The following LPAR5 variants were observed in gnomAD, a reference collection of about 807,000 sequenced individuals.
LPAR5 encodes the protein G protein-coupled receptor 92.
For missense variants in LPAR5, 544 were observed against 521.8 expected (o/e 1.04, Z -0.41); for synonymous variants, 271 against 261.6 (o/e 1.04, Z -0.35).
chr12:6,633,021 C>T (rs983309225), intron 1 of LPAR5, among the ~76,000 whole-genome samples: 3 of 152,196 alleles, frequency 2.0e-5, no homozygotes, highest in African/African-American at 7.2e-5. Context: ...GCATCATCCT[C>T]GGCCCTGGCT....
At chr12:6,623,432 GCTA>G (rs1948910864) in intron 1 of LPAR5, among the ~76,000 whole-genome samples, 1 of 151,888 alleles carries the variant, frequency 6.6e-6, no homozygotes, top group South Asian at 2.1e-4. Context: ...TCCTCAGTAG[GCTA>G]AGGCATGAGA....
At position 6,630,269 on chromosome 12, in the gene LPAR5, C is replaced by T. The variant is rs117704385; in HGVS notation, c.-217+5638G>A. ...CACCCAAGTAGCTGGGATCATAGCT[C>T]GCACCACCACACCTGCCTAATTTTT... is the stretch of plus-strand genomic sequence containing the variant. On this transcript the variant is annotated intron_variant, in intron 1 of 1. Coordinates refer to ENST00000329858, the MANE Select transcript of LPAR5 (RefSeq NM_020400.6). Among the ~76,000 whole-genome samples, 905 of 150,492 alleles carry T rather than the reference C, an allele frequency of 6.0e-3. 11 individuals carry two copies. The highest frequency in any genetic ancestry group is 5.5e-3 in the Non-Finnish European group (375 of 67,600).
intron 1 of LPAR5, among the ~76,000 whole-genome samples, chr12:6,624,180 T>A (rs1032539655): frequency 3.3e-5 from 5 of 152,150 alleles, no homozygotes; most frequent in African/African-American, 1.2e-4. Context: ...CAGAGCCACA[T>A]GTGAATAAAT....
rs1234573952 is a variant in LPAR5 at position 6,619,128 on chromosome 12, A to G, written c.*1002T>C. On this transcript the variant is annotated 3_prime_UTR_variant, in exon 2 of 2. Transcript: ENST00000329858. ...TGTGTGTGGTGACATTATTGCTCCC[A>G]TGGCTAATGTAATGTGTGCATGTGT... The G allele has an allele frequency of 6.6e-6, 1 of 152,212 alleles. No individual in the cohort carries two copies. Among genetic ancestry groups the G allele is most frequent in the Non-Finnish European group, 1.5e-5 (1 of 68,042 alleles). The allele number at this position is 152,212 out of a possible 1,614,324, so 9.4% of individuals were successfully genotyped here.
intron 1 of LPAR5, among the ~76,000 whole-genome samples, chr12:6,632,523 A>C (rs1477160993): frequency 6.6e-6 from 1 of 152,098 alleles, no homozygotes; most frequent in Non-Finnish European, 1.5e-5. Context: ...TTCTGTGTTC[A>C]GGCAGCGCTG....
intron 1 of LPAR5, among the ~76,000 whole-genome samples, chr12:6,633,091 A>G (rs148842761): frequency 1.1e-4 from 17 of 152,332 alleles, no homozygotes; most frequent in African/African-American, 3.8e-4. Context: ...AAAAGGCAGA[A>G]AGCAAAGGTG....
intron 1 of LPAR5, among the ~76,000 whole-genome samples, chr12:6,630,434 T>A (rs1380800760): frequency 4.2e-4 from 2 of 4,762 alleles, no homozygotes; most frequent in Non-Finnish European, 1.3e-3. Context: ...CCAGCCCATC[T>A]TTTTTTTTTT....
rs1009034715 is a variant in LPAR5 at position 6,620,747 on chromosome 12, G to A, written c.502C>T (p.Arg168Trp). Reference protein sequence around the residue: ...RVHRPSRCRYRDLEVRLCFES... With the variant: ...RVHRPSRCRYWDLEVRLCFES... ...AAGCATAGGCGCACCTCGAGGTCCC[G>A]GTAGCGGCAACGCGAGGGCCTGTGC... Residue 168 changes from arginine to tryptophan, a missense_variant, in exon 2 of 2, where the codon CGG becomes TGG. Coordinates refer to ENST00000329858, the MANE Select transcript of LPAR5 (RefSeq NM_020400.6). This position sits in a 1 kb window ranked among gnomAD's most constrained non-coding sequence, Gnocchi z 6.8. 2.5e-6 allele frequency: 4 copies of A among 1,592,312 alleles called. No individual in the cohort carries two copies. The highest frequency in any genetic ancestry group is 3.4e-6 in the Non-Finnish European group (4 of 1,169,934).
chr12:6,627,044 C>A (rs1010310917), intron 1 of LPAR5, among the ~76,000 whole-genome samples: 1 of 152,202 alleles, frequency 6.6e-6, no homozygotes, highest in Non-Finnish European at 1.5e-5. Context: ...ATTTTAATTT[C>A]TATACATAAT....
chr12:6,621,573 T>C (rs1481431761), intron 1 of LPAR5, 109 bp from the exon 2 acceptor site: 3 of 257,188 alleles, frequency 1.2e-5, no homozygotes, highest in African/African-American at 2.2e-5. Context: ...AAGTCTGCCA[T>C]TGGGCTAGAA....
intron 1 of LPAR5, among the ~76,000 whole-genome samples, chr12:6,627,065 G>A (rs1314453130): frequency 6.6e-6 from 1 of 152,134 alleles, no homozygotes; most frequent in African/African-American, 2.4e-5. Context: ...ATCTAACATA[G>A]ATACATTATT....
In LPAR5 at chr12:6,621,064, C is replaced by A. The variant is rs1355540069; in HGVS notation, c.185G>T (p.Cys62Phe). The A allele has an allele frequency of 6.2e-7, 1 of 1,604,526 alleles. No homozygotes were observed. The highest frequency in any genetic ancestry group is 1.3e-5 in the African/African-American group (1 of 74,682). Reference protein sequence around the residue: ...RVHSVVSVYMCNLAASDLLFT... With the variant: ...RVHSVVSVYMFNLAASDLLFT... ...GAGCAGGTCGCTGGCCGCCAGGTTA[C>A]ACATGTACACGCTCACCACCGAGTG... Residue 62 changes from cysteine (C) to phenylalanine (F), a missense_variant, in exon 2 of 2, where the codon TGT becomes TTT. Physicochemically the swap from Cys to Phe is radical, Grantham distance 205. Coordinates refer to ENST00000329858, the MANE Select transcript of LPAR5 (RefSeq NM_020400.6).
intron 1 of LPAR5, among the ~76,000 whole-genome samples, chr12:6,621,903 G>A (rs1252042410): frequency 6.6e-6 from 1 of 152,078 alleles, no homozygotes; most frequent in Non-Finnish European, 1.5e-5. Context: ...CGAGGCGGGT[G>A]GATTACCTGA....
At position 6,620,913 on chromosome 12, in the gene LPAR5, C is replaced by G. The variant is rs749249210; in HGVS notation, c.336G>C (p.Leu112=). 1.9e-5 allele frequency: 30 copies of G among 1,598,786 alleles called. 1 individual carries two copies. In the South Asian group the frequency reaches 2.4e-4, roughly 13 times the overall value. The part of the protein sequence containing the change: ...QMNMYGSCIF[L]MLINVDRYAA... ...CGTAGCGGTCCACGTTGATGAGCAT[C>G]AGGAAGATGCAGCTGCCGTACATGT... The change falls in exon 2 of 2, where the codon CTG becomes CTC. Residue 112 remains leucine, a synonymous_variant. Coordinates refer to ENST00000329858, the MANE Select transcript of LPAR5 (RefSeq NM_020400.6). The surrounding 1 kb of genome is among the most constrained non-coding windows in gnomAD (Gnocchi z 6.8).
chr12:6,628,340 A>G (rs1490926131), intron 1 of LPAR5, among the ~76,000 whole-genome samples: 1 of 151,982 alleles, frequency 6.6e-6, no homozygotes, highest in Non-Finnish European at 1.5e-5. Flanking sequence ...ATTCTTAACC[A>G]TTACTTGGAG....
At chr12:6,625,641 G>T (rs1016163363) in intron 1 of LPAR5, among the ~76,000 whole-genome samples, 44 of 147,046 alleles carry the variant, frequency 3.0e-4, no homozygotes, top group Non-Finnish European at 6.2e-4. Context: ...GAGACTGGCG[G>T]GAACCCGGGA....
At position 6,620,434 on chromosome 12, in the gene LPAR5, C is replaced by T. The variant is rs778189483; in HGVS notation, c.815G>A (p.Arg272His). Residue 272 changes from arginine (R) to histidine (H), a missense_variant, in exon 2 of 2, where the codon CGC (arginine) becomes CAC (histidine). Coordinates refer to ENST00000329858, the MANE Select transcript of LPAR5 (RefSeq NM_020400.6). The surrounding 1 kb of genome is among the most constrained non-coding windows in gnomAD (Gnocchi z 6.8). ...SKLVAASVPA[R>H]DRVRGVLMVM... ...CATCAGCACCCCGCGCACGCGATCG[C>T]GGGCAGGCACGCTGGCCGCCACCAG... 2 of 1,601,742 alleles carry T rather than the reference C, an allele frequency of 1.2e-6. No homozygotes were observed.
Position 6,620,194 on chromosome 12 carries a change from A to G in LPAR5, c.1055T>C (p.Leu352Pro). 1.2e-6 allele frequency: 2 copies of G among 1,613,270 alleles called. No individual in the cohort carries two copies. Among genetic ancestry groups the G allele is most frequent in the Non-Finnish European group, 1.7e-6 (2 of 1,179,584 alleles). ...TRPDAASQGLLRPSDSHSLSS... is the reference protein window; with the variant it reads ...TRPDAASQGLPRPSDSHSLSS... The stretch of plus-strand genomic sequence containing the variant: ...CAGAGAGTGGGAGTCGGAGGGTCGG[A>G]GCAGCCCCTGACTGGCGGCATCCGG... The change falls in exon 2 of 2, where the codon CTC becomes CCC. Residue 352 changes from leucine to proline, a missense_variant. Transcript: ENST00000329858. This position sits in a 1 kb window ranked among gnomAD's most constrained non-coding sequence, Gnocchi z 6.8.
chr12:6,623,790 T>TGGAC (rs1948913045), intron 1 of LPAR5, among the ~76,000 whole-genome samples: 1 of 152,132 alleles, frequency 6.6e-6, no homozygotes, highest in South Asian at 2.1e-4. Context: ...AGCACCTCCT[T>TGGAC]GGACCAGGTG....
Sources: gnomAD v4.1 joint callset for allele counts (sites outside exome capture counted in the v4.1 genomes callset) on GRCh38, gnomAD v4.1.1 for gene constraint, Gnocchi (gnomAD v3.1) non-coding constraint, MANE v1.5 for transcripts, NCBI Gene and HGNC (gene_info 2026-07-23, HGNC 2026-07-21) for gene names.